The following ZNF519 variants were observed in gnomAD, a reference collection of about 807,000 sequenced individuals.
ZNF519 encodes similar to Zinc finger protein 85 (Zinc finger protein HPF4) (HTF1).
A neutral mutation model predicts 7.4 loss-of-function variants in ZNF519; 7 were observed. That is an observed-to-expected ratio of 0.94 (90% CI 0.54 to 1.77). ZNF519 has a LOEUF of 1.77. Ranked by LOEUF, ZNF519 falls within the 40% of genes most tolerant of loss-of-function variation. The probability of loss-of-function intolerance (pLI) is 0.00; values close to 1 mark genes in which losing one functional copy is unlikely to be tolerated. For synonymous variants in ZNF519, 179 were observed against 203.3 expected (o/e 0.88, Z 1.02); for missense variants, 586 against 623.1 (o/e 0.94, Z 0.63).
intron 2 of ZNF519, among the ~76,000 whole-genome samples, chr18:14,108,072 C>T (rs1252210854): frequency 2.0e-5 from 3 of 152,090 alleles, no homozygotes; most frequent in Non-Finnish European, 4.4e-5. Context: ...TTATAAAGCC[C>T]CAGGACCTTG....
chr18:14,073,014 C>T (rs1448395628), downstream of ZNF519: 2 of 152,078 alleles, frequency 1.3e-5, no homozygotes, highest in African/African-American at 4.8e-5. Context: ...GAGAAATACA[C>T]CAATAGAAGG....
intron 3 of ZNF519, among the ~76,000 whole-genome samples, chr18:14,083,152 C>A (rs2046076595): frequency 1.3e-5 from 2 of 152,084 alleles, no homozygotes; most frequent in African/African-American, 2.4e-5. Flanking sequence ...GAGTTTAAGA[C>A]CAGCCTGGCC....
At chr18:14,090,019 G>A (rs1307387790) in intron 2 of ZNF519, 1 of 152,404 alleles carries the variant, frequency 6.6e-6, no homozygotes, top group African/African-American at 2.4e-5. Flanking sequence ...CCCTTGGGAA[G>A]CTGGACGAGG....
intron 3 of ZNF519, among the ~76,000 whole-genome samples, chr18:14,083,893 A>G (rs2046079524): frequency 6.6e-6 from 1 of 152,136 alleles, no homozygotes; most frequent in African/African-American, 2.4e-5. Context: ...GGAGCAGACA[A>G]TGCATCCGAT....
At chr18:14,097,694 G>C (rs2046142652), downstream of ZNF519, among the ~76,000 whole-genome samples, 4 of 152,196 alleles carry the variant, frequency 2.6e-5, no homozygotes, top group South Asian at 8.3e-4. Flanking sequence ...TGAAGGACTG[G>C]CAAGTAAGAA....
chr18:14,087,544 C>T (rs375586029), intron 2 of ZNF519, among the ~76,000 whole-genome samples: 1 of 152,208 alleles, frequency 6.6e-6, no homozygotes, highest in East Asian at 1.9e-4. Flanking sequence ...GACAAAATCC[C>T]AAGTCTTCAA....
Position 14,102,393 on chromosome 18 carries a change from T to C in ZNF519, c.*2524A>G, listed in dbSNP as rs1420227453. Reference sequence around the variant, plus strand: ...TAAGTTGGCTAGGCTAGTCTCGAACTCCTGACCTCAGGTGATCCACCCACC... The same window carrying C: ...TAAGTTGGCTAGGCTAGTCTCGAACCCCTGACCTCAGGTGATCCACCCACC... On this transcript the variant is annotated 3_prime_UTR_variant, in exon 3 of 3. Transcript: ENST00000590202. The C allele has an allele frequency of 6.6e-6, 1 of 152,156 alleles. No individual in the cohort carries two copies. Among genetic ancestry groups the C allele is most frequent in the Non-Finnish European group, 1.5e-5 (1 of 68,046 alleles). 9.4% of individuals were successfully genotyped at this position (152,156 alleles called of 1,614,324 possible).
At chr18:14,086,598 C>A (rs1355688594) in intron 2 of ZNF519, among the ~76,000 whole-genome samples, 1 of 152,186 alleles carries the variant, frequency 6.6e-6, no homozygotes, top group Non-Finnish European at 1.5e-5. Context: ...CTGGGCACAG[C>A]CCTGCAGTGC....
chr18:14,125,210 T>C (rs1465440123), intron 1 of ZNF519, among the ~76,000 whole-genome samples: 7 of 152,160 alleles, frequency 4.6e-5, no homozygotes, highest in African/African-American at 1.7e-4. Flanking sequence ...CCACCAATCA[T>C]CAGCCTGAAA....
At chr18:14,132,063 G>A (rs2046333317) in intron 1 of ZNF519, among the ~76,000 whole-genome samples, 1 of 152,124 alleles carries the variant, frequency 6.6e-6, no homozygotes, top group African/African-American at 2.4e-5. Context: ...AAGATGCAGG[G>A]CTGCGGGCGC....
Position 14,105,613 on chromosome 18 carries a change from T to A in ZNF519, c.927A>T (p.Gln309His). ...TCTCTCCAGTATGGATTCTCTGATG[T>A]TGAGCAAGGTGTGAACTCTTGTTAA... ...KAFNKSSHLA[Q>H]HQRIHTGEKP... Residue 309 changes from glutamine (Q) to histidine (H), a missense_variant, in exon 3 of 3, where the codon CAA becomes CAT. Physicochemically the swap from Gln to His is conservative, Grantham distance 24. Coordinates refer to ENST00000590202, the MANE Select transcript of ZNF519 (RefSeq NM_145287.4). 1 of 1,613,912 alleles carries A rather than the reference T, an allele frequency of 6.2e-7. No homozygotes were observed. The highest frequency in any genetic ancestry group is 1.1e-5 in the South Asian group (1 of 91,034).
rs950143648 is a variant in ZNF519, at chr18:14,104,339, A to G, written c.*578T>C. On this transcript the variant is annotated 3_prime_UTR_variant, in exon 3 of 3. Coordinates refer to ENST00000590202, the MANE Select transcript of ZNF519 (RefSeq NM_145287.4). Reference sequence around the variant, plus strand: ...TATATGACTTATATTCAGTGTTGTAAGTCAAACAAAAAGAGCAACTCCATT... The same window carrying G: ...TATATGACTTATATTCAGTGTTGTAGGTCAAACAAAAAGAGCAACTCCATT... 6.6e-6 allele frequency: 1 copy of G among 152,366 alleles called. No individual in the cohort carries two copies. The highest frequency in any genetic ancestry group is 1.5e-5 in the Non-Finnish European group (1 of 68,180). The allele number at this position is 152,366 out of a possible 1,614,324, so 9.4% of individuals were successfully genotyped here.
At chr18:14,088,731 G>A (rs997384466) in intron 2 of ZNF519, among the ~76,000 whole-genome samples, 7 of 152,036 alleles carry the variant, frequency 4.6e-5, no homozygotes, top group African/African-American at 1.4e-4. Context: ...GAATTGAAAC[G>A]GTGAAATCAC....
rs2046189414 is a variant in ZNF519 at position 14,106,039 on chromosome 18, A to G, written c.501T>C (p.Asn167=). ...KNQINFNHDS[N]ISKHHSTHFL... is the part of the protein sequence containing the mutation. Reference sequence around the variant, plus strand: ...AATGAGTACTATGATGTTTACTAATATTTGAGTCATGGTTAAAATTTATCT... The same window carrying G: ...AATGAGTACTATGATGTTTACTAATGTTTGAGTCATGGTTAAAATTTATCT... Residue 167 remains asparagine, a synonymous_variant, in exon 3 of 3, where the codon AAT becomes AAC. Coordinates refer to ENST00000590202, the MANE Select transcript of ZNF519 (RefSeq NM_145287.4). 2.5e-6 allele frequency: 4 copies of G among 1,585,402 alleles called. No individual in the cohort carries two copies. The highest frequency in any genetic ancestry group is 2.3e-5 in the South Asian group (2 of 87,350).
At chr18:14,112,253 C>A (rs529905940) in intron 2 of ZNF519, among the ~76,000 whole-genome samples, 2 of 152,112 alleles carry the variant, frequency 1.3e-5, no homozygotes, top group South Asian at 4.1e-4. Context: ...TCCTGAAAAT[C>A]ATTTGATAAA....
downstream of ZNF519, chr18:14,073,364 G>A (rs1451171740): frequency 6.6e-6 from 1 of 152,024 alleles, no homozygotes; most frequent in Admixed American, 6.6e-5. Context: ...TCCGCCTCCT[G>A]GGTTCAAGCA....
chr18:14,130,130 A>G (rs555319830), intron 1 of ZNF519, among the ~76,000 whole-genome samples: 133 of 152,004 alleles, frequency 8.7e-4, no homozygotes, highest in African/African-American at 3.1e-3. Context: ...AGAGTCAGAC[A>G]TGGACCACAC....
At chr18:14,132,212 A>C in intron 1 of ZNF519, 63 bp downstream of exon 1, 1 of 1,597,072 alleles carries the variant, frequency 6.3e-7, no homozygotes, top group African/African-American at 1.3e-5. Context: ...CGTCACCGCC[A>C]TGTCCAGCCG....
rs938444437 is a variant in ZNF519 at position 14,101,985 on chromosome 18, G to A, written c.*2932C>T. 5.5e-6 allele frequency: 2 copies of A among 366,160 alleles called. No individual in the cohort carries two copies. The highest frequency in any genetic ancestry group is 9.7e-6 in the Non-Finnish European group (2 of 207,060). 22.7% of individuals were successfully genotyped at this position (366,160 alleles called of 1,614,324 possible). On this transcript the variant is annotated 3_prime_UTR_variant, in exon 3 of 3. Coordinates refer to ENST00000590202, the MANE Select transcript of ZNF519 (RefSeq NM_145287.4). ...ACATATAATATTCTCTAATATTCAG[G>A]AATAAAGAGGTTTCCTACTGATTAT...
Sources: gnomAD v4.1 joint callset for allele counts (sites outside exome capture counted in the v4.1 genomes callset) on GRCh38, gnomAD v4.1.1 for gene constraint, MANE v1.5 for transcripts, NCBI Gene and HGNC (gene_info 2026-07-23, HGNC 2026-07-21) for gene names.